The following NEXN variants were observed in gnomAD, a reference collection of about 807,000 sequenced individuals.
The protein encoded by NEXN is nexilin F-actin binding protein, also known as nexilin.
In NEXN, 65 loss-of-function variants were observed where a neutral mutation model predicts 92.6. The observed-to-expected ratio is 0.70, with a 90% CI of 0.57 to 0.86. NEXN has a LOEUF of 0.86. NEXN is among the 40% of genes least tolerant of loss of function. The pLI is 0.00. For missense variants in NEXN, 778 were observed against 771.1 expected, an observed-to-expected ratio of 1.01 and a Z score of -0.11; for synonymous variants, 254 against 242.5, an observed-to-expected ratio of 1.05 and a Z score of -0.44.
chr1:77,903,991 GTTTTTA>G (rs371914748), intron 1 of NEXN, among the ~76,000 whole-genome samples: 4,573 of 152,034 alleles, frequency 0.03, 246 homozygotes, highest in African/African-American at 0.11. Flanking sequence ...GAAATTTTTA[GTTTTTA>G]TTTTTATTTT....
In NEXN at chr1:77,942,479, G is replaced by A. The variant is rs377257742; in HGVS notation, c.1678G>A (p.Glu560Lys). 13 of 1,613,716 alleles carry A rather than the reference G, an allele frequency of 8.1e-6. No individual in the cohort carries two copies. In the South Asian group the frequency reaches 8.8e-5, roughly 11 times the overall value. The change falls in exon 13 of 13, where the codon GAG (glutamate) becomes AAG (lysine). Residue 560 changes from glutamate (E) to lysine (K), a missense_variant. By Grantham distance (56) the Glu-to-Lys change is moderately conservative (BLOSUM62 1). Transcript: ENST00000334785. ...ALQKKREEEE[E>K]EEGSIMNGST... is the part of the protein sequence containing the mutation. The stretch of plus-strand genomic sequence containing the variant: ...AATACAGAAAAGAGAAGAGGAGGAG[G>A]AGGAAGAAGGTAGCATCATGAATGG...
At chr1:77,941,885 CTGAG>C (rs1243331803) in intron 11 of NEXN, 134 bp from the exon 12 acceptor site, 3 of 764,894 alleles carry the variant, frequency 3.9e-6, no homozygotes, top group Admixed American at 2.4e-5. Flanking sequence ...TAGAAAAAAT[CTGAG>C]TGTCTGCAGT....
chr1:77,918,207 C>A lies in NEXN; in HGVS notation c.381C>A (p.Arg127=), dbSNP rs2102094631. 1 of 1,613,800 alleles carries A rather than the reference C, an allele frequency of 6.2e-7. No individual in the cohort carries two copies. Among genetic ancestry groups the A allele is most frequent in the African/African-American group, 1.3e-5 (1 of 74,906 alleles). ...QRKRTEEERK[R]RIEQDMLEKR... The stretch of plus-strand genomic sequence containing the variant: ...AGAGAACGGAGGAGGAACGAAAACG[C>A]AGAATTGAGCAGGATATGTTAGAAA... Residue 127 remains arginine (R), a synonymous_variant, in exon 5 of 13, where the codon CGC becomes CGA. Transcript: ENST00000334785.
At position 77,942,485 on chromosome 1, in the gene NEXN, G is replaced by C. The variant is rs794729085; in HGVS notation, c.1684G>C (p.Glu562Gln). The C allele has an allele frequency of 6.2e-7, 1 of 1,613,786 alleles. No homozygotes were observed. Among genetic ancestry groups the C allele is most frequent in the Non-Finnish European group, 8.5e-7 (1 of 1,179,786 alleles). The change falls in exon 13 of 13, where the codon GAA (glutamate) becomes CAA (glutamine). Residue 562 changes from glutamate to glutamine, a missense_variant. Physicochemically the swap from Glu to Gln is conservative, Grantham distance 29. Around this residue, in one of 3 missense-constraint regions of NEXN, gnomAD observed 532 missense variants for 476.7 expected, o/e 1.12. Coordinates refer to ENST00000334785, the MANE Select transcript of NEXN (RefSeq NM_144573.4). ...GAAAAGAGAAGAGGAGGAGGAGGAAGAAGGTAGCATCATGAATGGCTCCAC... is the reference window on the plus strand; with the variant it reads ...GAAAAGAGAAGAGGAGGAGGAGGAACAAGGTAGCATCATGAATGGCTCCAC... ...QKKREEEEEEEGSIMNGSTAE... is the reference protein window; with the variant it reads ...QKKREEEEEEQGSIMNGSTAE...
intron 1 of NEXN, among the ~76,000 whole-genome samples, chr1:77,895,247 G>A (rs985520655): frequency 3.3e-5 from 5 of 151,300 alleles, no homozygotes; most frequent in South Asian, 2.1e-4. Flanking sequence ...GGGTTTCGCC[G>A]TGTTAGCCAG....
chr1:77,890,474 C>G (rs1172634221), intron 1 of NEXN, among the ~76,000 whole-genome samples: 2 of 152,116 alleles, frequency 1.3e-5, no homozygotes, highest in Non-Finnish European at 2.9e-5. Flanking sequence ...ACATGTAAGG[C>G]TGATCATTGT....
intron 1 of NEXN, among the ~76,000 whole-genome samples, chr1:77,901,120 T>C (rs1327969897): frequency 2.0e-5 from 3 of 152,156 alleles, no homozygotes; most frequent in African/African-American, 7.2e-5. Flanking sequence ...AATCTCAAAA[T>C]GTGGTCTTAG....
In NEXN at chr1:77,943,043, A is replaced by G; in HGVS notation, c.*214A>G. 1.7e-6 allele frequency: 1 copy of G among 592,298 alleles called. No individual in the cohort carries two copies. Among genetic ancestry groups the G allele is most frequent in the Non-Finnish European group, 3.1e-6 (1 of 323,018 alleles). 36.7% of individuals were successfully genotyped at this position (592,298 alleles called of 1,614,324 possible). On this transcript the variant is annotated 3_prime_UTR_variant, in exon 13 of 13. Coordinates refer to ENST00000334785, the MANE Select transcript of NEXN (RefSeq NM_144573.4). Reference sequence around the variant, plus strand: ...CTGACTTCTTATTCCTTTTCATAACAGTCTTCAAAGCACAGCTCATCTAAA... The same window carrying G: ...CTGACTTCTTATTCCTTTTCATAACGGTCTTCAAAGCACAGCTCATCTAAA...
rs3767028 is a variant in NEXN, at chr1:77,942,851, C to G, written c.*22C>G. 141,136 of 1,578,918 alleles carry G rather than the reference C, an allele frequency of 0.089. 7,376 individuals carry two copies. Among genetic ancestry groups the G allele is most frequent in the Admixed American group, 0.22 (12,759 of 58,210 alleles). ...TTAATCACTCTTTTTATCTTTTATT[C>G]TATTAATTTTTTTTTCCTTAAAATC... On this transcript the variant is annotated 3_prime_UTR_variant, in exon 13 of 13. Transcript: ENST00000334785.
chr1:77,936,068 T>C (rs939527299), intron 11 of NEXN, 24 bp downstream of exon 11: 7 of 1,478,132 alleles, frequency 4.7e-6, no homozygotes, highest in East Asian at 2.3e-5. Flanking sequence ...ATATTTAACA[T>C]AGTTATGGTA....
rs1571164889 is a variant in NEXN at position 77,939,094 on chromosome 1, A to C, written c.1474-2929A>C. Among the ~76,000 whole-genome samples, 5 of 152,318 alleles carry C rather than the reference A, an allele frequency of 3.3e-5. 1 individual carries two copies. In the Middle Eastern group the frequency reaches 0.017, roughly 518 times the overall value. ...AGTTGGGGCCAAGGGAGAAAAACAG[A>C]CCTAAATAACAAAACTAGGTTAGAC... On this transcript the variant is annotated intron_variant, in intron 11 of 12. Transcript: ENST00000334785.
chr1:77,905,324 A>C (rs1165896182), intron 1 of NEXN, among the ~76,000 whole-genome samples: 2 of 152,166 alleles, frequency 1.3e-5, no homozygotes, highest in Non-Finnish European at 2.9e-5. Flanking sequence ...TGATAATCAT[A>C]ATGATAGTCA....
At position 77,926,899 on chromosome 1, in the gene NEXN, C is replaced by T. The variant is rs1415204033; in HGVS notation, c.864+7C>T. On this transcript the variant is annotated splice_region_variant and intron_variant, in intron 8 of 12. Transcript: ENST00000334785. Reference sequence around the variant, plus strand: ...AGAAGCAAGGCGGCAAATGGTAAATCTACATATTTAAACCTTACAATTAAT... The same window carrying T: ...AGAAGCAAGGCGGCAAATGGTAAATTTACATATTTAAACCTTACAATTAAT... The T allele has an allele frequency of 3.1e-6, 5 of 1,613,650 alleles. No individual in the cohort carries two copies. The highest frequency in any genetic ancestry group is 2.2e-5 in the South Asian group (2 of 91,038).
chr1:77,901,368 T>C (rs1037200293), intron 1 of NEXN, among the ~76,000 whole-genome samples: 3 of 152,220 alleles, frequency 2.0e-5, no homozygotes, highest in African/African-American at 7.2e-5. Context: ...TTATAAATAA[T>C]GGTTTGTTAT....
rs770939403 is a variant in NEXN at position 77,942,442 on chromosome 1, T to C, written c.1660-19T>C. 2 of 1,604,410 alleles carry C rather than the reference T, an allele frequency of 1.2e-6. No individual in the cohort carries two copies. Among genetic ancestry groups the C allele is most frequent in the African/African-American group, 1.3e-5 (1 of 74,870 alleles). ...AAAATACTATAAATGCCAACCTGAA[T>C]GCATTTATTTTAATACAGAAAAGAG... On this transcript the variant is annotated intron_variant, in intron 12 of 12. Coordinates refer to ENST00000334785, the MANE Select transcript of NEXN (RefSeq NM_144573.4).
chr1:77,895,029 ATTTTT>A lies in NEXN; in HGVS notation c.-53+6299_-53+6303del, dbSNP rs559226754. Among the ~76,000 whole-genome samples the A allele has an allele frequency of 7.8e-3, 484 of 61,658 alleles. 5 individuals carry two copies. Among genetic ancestry groups the A allele is most frequent in the African/African-American group, 0.031 (456 of 14,652 alleles). 40.5% of individuals were successfully genotyped at this position (61,658 alleles called of 152,430 possible). A position where few individuals can be genotyped will look rare whatever the true frequency, so the allele number is the denominator to read the frequency against. On this transcript the variant is annotated intron_variant, in intron 1 of 12. Coordinates refer to ENST00000334785, the MANE Select transcript of NEXN (RefSeq NM_144573.4). ...CCATCCATGGCCAGCCTATAGTGTA[ATTTTT>A]TTTTTTTTTTTTTTTTTTTTTTTTT...
intron 12 of NEXN, 54 bp from the exon 13 acceptor site, chr1:77,942,407 C>A: frequency 6.4e-7 from 1 of 1,569,564 alleles, no homozygotes; most frequent in African/African-American, 1.4e-5. Context: ...GTTACTAAAT[C>A]GCTGCCCTGA....
chr1:77,935,995 G>A lies in NEXN; in HGVS notation c.1424G>A (p.Arg475Lys). ...KKIEEERARRRAIDLEIKERE... is the reference protein window; with the variant it reads ...KKIEEERARRKAIDLEIKERE... ...ATAGAAGAAGAGCGAGCAAGAAGGAGAGCAATTGACCTTGAAATTAAAGAG... is the reference window on the plus strand; with the variant it reads ...ATAGAAGAAGAGCGAGCAAGAAGGAAAGCAATTGACCTTGAAATTAAAGAG... Residue 475 changes from arginine to lysine, a missense_variant, in exon 11 of 13, where the codon AGA (arginine) becomes AAA (lysine). Arg to Lys is a conservative substitution (Grantham distance 26, BLOSUM62 2). Around this residue, in one of 3 missense-constraint regions of NEXN, gnomAD observed 532 missense variants for 476.7 expected, o/e 1.12. Coordinates refer to ENST00000334785, the MANE Select transcript of NEXN (RefSeq NM_144573.4). 1.2e-6 allele frequency: 2 copies of A among 1,613,642 alleles called. No individual in the cohort carries two copies. Among genetic ancestry groups the A allele is most frequent in the Non-Finnish European group, 1.7e-6 (2 of 1,179,896 alleles).
chr1:77,923,313 T>C (rs1265603227), intron 5 of NEXN, among the ~76,000 whole-genome samples: 1 of 152,008 alleles, frequency 6.6e-6, no homozygotes, highest in African/African-American at 2.4e-5. Context: ...TAATAAAATG[T>C]ATTATTTCTT....
Sources: allele counts gnomAD v4.1 joint callset (sites outside exome capture counted in the v4.1 genomes callset), GRCh38; gene constraint gnomAD v4.1.1; regional missense constraint gnomAD v4.1.1; transcripts MANE v1.5; gene names NCBI Gene and HGNC (gene_info 2026-07-23, HGNC 2026-07-21).